GBP6: variants seen among roughly 807,000 people sequenced by gnomAD.
The protein encoded by GBP6 is guanylate-binding protein 6.
A neutral mutation model predicts 61.5 loss-of-function variants in GBP6; 54 were observed. The ratio of observed to expected loss-of-function variants is 0.88; its 90% CI spans 0.71 to 1.10. The LOEUF (loss-of-function observed/expected upper bound fraction) is 1.10. Ranked by LOEUF, GBP6 falls within the 50% of genes least tolerant of loss-of-function variation. The pLI, the probability that GBP6 is intolerant of heterozygous loss-of-function variation, is 0.00. For synonymous variants in GBP6, 255 were observed against 273.7 expected, an observed-to-expected ratio of 0.93 and a Z score of 0.67; for missense variants, 748 against 752.8, an observed-to-expected ratio of 0.99 and a Z score of 0.07.
At chr1:89,378,359 T>A in intron 4 of GBP6, 58 bp from the exon 5 acceptor site, 3 of 1,561,564 alleles carry the variant, frequency 1.9e-6, no homozygotes, top group Non-Finnish European at 1.7e-6. Flanking sequence ...ATAATATTTT[T>A]ATAAAAGAAA....
In GBP6 at chr1:89,386,995, T is replaced by A. The variant is rs7526910; in HGVS notation, c.*1526T>A. Among the ~76,000 whole-genome samples, 1 of 152,190 alleles carries A rather than the reference T, an allele frequency of 6.6e-6. No individual in the cohort carries two copies. The stretch of plus-strand genomic sequence containing the variant: ...GGACCAGCCATAGGGTTAAATGGGA[T>A]GGGGAGAAAACAATCAAGTGAAGTA... On this transcript the variant is annotated 3_prime_UTR_variant, in exon 11 of 11. Transcript: ENST00000370456.
intron 3 of GBP6, among the ~76,000 whole-genome samples, chr1:89,370,753 C>T (rs1211955866): frequency 6.6e-6 from 1 of 152,156 alleles, no homozygotes; most frequent in African/African-American, 2.4e-5. Flanking sequence ...GTGAAATGAT[C>T]ACCACAATCC....
At chr1:89,382,903 G>A (rs771584497) in intron 8 of GBP6, 27 bp downstream of exon 8, 2 of 1,511,530 alleles carry the variant, frequency 1.3e-6, no homozygotes, top group South Asian at 1.1e-5. Context: ...GCATGGGGAA[G>A]TTTATAGGAT....
chr1:89,385,644 C>T lies in GBP6; in HGVS notation c.*175C>T, dbSNP rs1414448081. On this transcript the variant is annotated 3_prime_UTR_variant, in exon 11 of 11. Transcript: ENST00000370456. Reference sequence around the variant, plus strand: ...TGCCTCCTGGGTTCAAGAGATTCACCTGCCTCAGCCCCCTAGTAGCTGGGA... The same window carrying T: ...TGCCTCCTGGGTTCAAGAGATTCACTTGCCTCAGCCCCCTAGTAGCTGGGA... 1 of 586,340 alleles carries T rather than the reference C, an allele frequency of 1.7e-6. No individual in the cohort carries two copies. Among genetic ancestry groups the T allele is most frequent in the Non-Finnish European group, 2.9e-6 (1 of 340,548 alleles). The allele number at this position is 586,340 out of a possible 1,614,324, so 36.3% of individuals were successfully genotyped here.
At chr1:89,368,863 A>C in intron 2 of GBP6, 122 bp downstream of exon 2, 21 of 796,728 alleles carry the variant, frequency 2.6e-5, no homozygotes, top group Non-Finnish European at 3.9e-5. Flanking sequence ...CAACCTTCTC[A>C]TTCCAATTCT....
At chr1:89,384,436 A>C (rs1020068912) in intron 10 of GBP6, 150 bp downstream of exon 10, 7 of 617,858 alleles carry the variant, frequency 1.1e-5, no homozygotes, top group Non-Finnish European at 1.7e-5. Context: ...TTTTTTTCTT[A>C]ATTGTTTCAG....
At position 89,380,413 on chromosome 1, in the gene GBP6, A is replaced by G. The variant is rs150239430; in HGVS notation, c.653A>G (p.Asn218Ser). 6.8e-6 allele frequency: 11 copies of G among 1,613,632 alleles called. No homozygotes were observed. Among genetic ancestry groups the G allele is most frequent in the African/African-American group, 4.0e-5 (3 of 74,856 alleles). ...QGNNPRVQTS[N>S]FPRECIRRFF... The stretch of plus-strand genomic sequence containing the variant: ...AATAATCCCAGAGTTCAAACATCCA[A>G]TTTTCCCAGGGAGTGCATCAGGCGT... The change falls in exon 6 of 11, where the codon AAT becomes AGT. Residue 218 changes from asparagine to serine, a missense_variant. Coordinates refer to ENST00000370456, the MANE Select transcript of GBP6 (RefSeq NM_198460.3).
rs1557545242 is a variant in GBP6 at position 89,386,078 on chromosome 1, G to A, written c.*609G>A. 6.6e-6 allele frequency: 1 copy of A among 151,830 alleles called. No individual in the cohort carries two copies. The highest frequency in any genetic ancestry group is 2.1e-4 in the South Asian group (1 of 4,822). 9.4% of individuals were successfully genotyped at this position (151,830 alleles called of 1,614,324 possible). A position where few individuals can be genotyped will look rare whatever the true frequency, so the allele number is the denominator to read the frequency against. Reference sequence around the variant, plus strand: ...ATAAATTTTAGTATGTGCATGTACTGGAATATTATATAGCCAGTAAACAAA... The same window carrying A: ...ATAAATTTTAGTATGTGCATGTACTAGAATATTATATAGCCAGTAAACAAA... On this transcript the variant is annotated 3_prime_UTR_variant, in exon 11 of 11. Coordinates refer to ENST00000370456, the MANE Select transcript of GBP6 (RefSeq NM_198460.3).
At chr1:89,365,173 T>C (rs1177613852) in intron 1 of GBP6, among the ~76,000 whole-genome samples, 4 of 152,208 alleles carry the variant, frequency 2.6e-5, no homozygotes, top group Non-Finnish European at 4.4e-5. Flanking sequence ...ATCAGGTGAT[T>C]CTTATGTACA....
At chr1:89,364,779 T>C (rs1311651274) in intron 1 of GBP6, among the ~76,000 whole-genome samples, 4 of 32,104 alleles carry the variant, frequency 1.2e-4, no homozygotes, top group Admixed American at 3.5e-4. Flanking sequence ...ATCCTCTCAG[T>C]TGATTCTTTA....
Position 89,384,244 on chromosome 1 carries a change from C to T in GBP6, c.1620C>T (p.His540=). 3 of 1,613,914 alleles carry T rather than the reference C, an allele frequency of 1.9e-6. No individual in the cohort carries two copies. Among genetic ancestry groups the T allele is most frequent in the Non-Finnish European group, 2.5e-6 (3 of 1,179,920 alleles). The change falls in exon 10 of 11, where the codon CAC becomes CAT. Residue 540 remains histidine, a synonymous_variant. Coordinates refer to ENST00000370456, the MANE Select transcript of GBP6 (RefSeq NM_198460.3). ...AGAAGCTGCAGATGGAGAGAGAACA[C>T]CTACTGAGAGAGCAGATTATGATGT... ...LKEKLQMERE[H]LLREQIMMLE...
chr1:89,372,955 A>G (rs1198012152), intron 3 of GBP6, among the ~76,000 whole-genome samples: 1 of 152,240 alleles, frequency 6.6e-6, no homozygotes, highest in African/African-American at 2.4e-5. Flanking sequence ...AATGAACTCA[A>G]ACAAATTTAC....
At chr1:89,384,319 G>A (rs778816362) in intron 10 of GBP6, 33 bp downstream of exon 10, 19 of 1,550,706 alleles carry the variant, frequency 1.2e-5, no homozygotes, top group East Asian at 9.1e-5. Flanking sequence ...CAGGCCAGAC[G>A]GTCCTCACCC....
rs1282583984 is a variant in GBP6, at chr1:89,379,349, G to T, written c.625+736G>T. On this transcript the variant is annotated intron_variant, in intron 5 of 10. Coordinates refer to ENST00000370456, the MANE Select transcript of GBP6 (RefSeq NM_198460.3). The stretch of plus-strand genomic sequence containing the variant: ...CCACTAGGCCCACCTCCAACATTGG[G>T]GGGGGGGGGTCATATTTCAACATGA... Among the ~76,000 whole-genome samples, 2 of 4,606 alleles carry T rather than the reference G, an allele frequency of 4.3e-4. 1 individual carries two copies. The allele number at this position is 4,606 out of a possible 152,430, so 3.0% of individuals were successfully genotyped here.
rs1340019681 is a variant in GBP6, at chr1:89,368,707, C to A, written c.156C>A (p.Ser52=). 6.2e-7 allele frequency: 1 copy of A among 1,613,550 alleles called. No individual in the cohort carries two copies. The highest frequency in any genetic ancestry group is 8.5e-7 in the Non-Finnish European group (1 of 1,179,600). ...AIVGLYRTGK[S]YLMNHLAGQN... ...TAGGACTGTACCGTACAGGGAAATC[C>A]TACTTGATGAACCATCTGGCAGGAC... The change falls in exon 2 of 11, where the codon TCC becomes TCA. Residue 52 remains serine (S), a synonymous_variant. Transcript: ENST00000370456.
chr1:89,371,532 C>A (rs1652641397), intron 3 of GBP6, among the ~76,000 whole-genome samples: 2 of 152,134 alleles, frequency 1.3e-5, no homozygotes, highest in African/African-American at 4.8e-5. Flanking sequence ...TAAACATAAT[C>A]CAGCATAAAA....
intron 7 of GBP6, among the ~76,000 whole-genome samples, chr1:89,382,229 G>A (rs1412087372): frequency 4.6e-5 from 7 of 152,132 alleles, no homozygotes; most frequent in South Asian, 2.1e-4. Context: ...CTCTGAACAC[G>A]CACAAGTCAT....
chr1:89,374,436 G>T (rs1400776537), intron 3 of GBP6, among the ~76,000 whole-genome samples: 1 of 151,872 alleles, frequency 6.6e-6, no homozygotes, highest in African/African-American at 2.4e-5. Flanking sequence ...AATTTCATTT[G>T]GATTTATACA....
intron 5 of GBP6, among the ~76,000 whole-genome samples, chr1:89,379,949 G>A (rs1652917431): frequency 6.6e-6 from 1 of 152,108 alleles, no homozygotes; most frequent in Non-Finnish European, 1.5e-5. Context: ...ACCAGACTGG[G>A]CAACATAGTG....
Sources: allele counts gnomAD v4.1 joint callset (sites outside exome capture counted in the v4.1 genomes callset), GRCh38; gene constraint gnomAD v4.1.1; transcripts MANE v1.5; gene names NCBI Gene and HGNC (gene_info 2026-07-23, HGNC 2026-07-21).